THSD7B: variants seen among roughly 807,000 people sequenced by gnomAD.
The protein encoded by THSD7B is thrombospondin type 1 domain containing 7B.
A neutral mutation model predicts 213.6 loss-of-function variants in THSD7B; 138 were observed. The ratio of observed to expected loss-of-function variants is 0.65; its 90% CI spans 0.56 to 0.74. The LOEUF (loss-of-function observed/expected upper bound fraction) is 0.74. Ranked by LOEUF, THSD7B falls within the 30% of genes least tolerant of loss-of-function variation. The probability of loss-of-function intolerance (pLI) is 0.00; values close to 1 mark genes in which losing one functional copy is unlikely to be tolerated. For missense variants in THSD7B, 1,931 were observed against 1,991.5 expected, an observed-to-expected ratio of 0.97 and a Z score of 0.58; for synonymous variants, 742 against 687.0, an observed-to-expected ratio of 1.08 and a Z score of -1.25.
At chr2:137,415,689 T>TC (rs1686782643) in intron 14 of THSD7B, among the ~76,000 whole-genome samples, 1 of 79,452 alleles carries the variant, frequency 1.3e-5, no homozygotes, top group Non-Finnish European at 2.6e-5. Flanking sequence ...TTTTTTTTTT[T>TC]CAAAGAACAG....
At chr2:137,347,719 T>C (rs1684908728) in intron 12 of THSD7B, among the ~76,000 whole-genome samples, 1 of 151,516 alleles carries the variant, frequency 6.6e-6, no homozygotes, top group Non-Finnish European at 1.5e-5. Flanking sequence ...GAACTTGGAC[T>C]CTATGATTGA....
At chr2:136,832,036 G>A (rs1682765932) in intron 1 of THSD7B, among the ~76,000 whole-genome samples, 1 of 152,140 alleles carries the variant, frequency 6.6e-6, no homozygotes, top group Admixed American at 6.5e-5. Context: ...AAAGGCTGTT[G>A]AGGCTGGAAC....
chr2:136,845,738 AG>A (rs1158653626), intron 1 of THSD7B, among the ~76,000 whole-genome samples: 1 of 152,222 alleles, frequency 6.6e-6, no homozygotes, highest in African/African-American at 2.4e-5. Flanking sequence ...TAGTATACTA[AG>A]GCAAGATGTG....
chr2:136,854,218 A>T (rs1356285168), intron 1 of THSD7B, among the ~76,000 whole-genome samples: 1 of 152,100 alleles, frequency 6.6e-6, no homozygotes, highest in Non-Finnish European at 1.5e-5. Flanking sequence ...ACTTACACAC[A>T]CACACTCTCA....
chr2:137,090,237 T>C (rs1011015679), intron 3 of THSD7B, among the ~76,000 whole-genome samples: 1 of 151,962 alleles, frequency 6.6e-6, no homozygotes, highest in Admixed American at 6.6e-5. Context: ...AATTTAAGGA[T>C]AGTAGCTATG....
chr2:137,316,220 C>A (rs576602799), intron 12 of THSD7B, among the ~76,000 whole-genome samples: 1 of 152,318 alleles, frequency 6.6e-6, no homozygotes, highest in East Asian at 1.9e-4. Context: ...AATACCACAA[C>A]CGATACCTTC....
intron 2 of THSD7B, among the ~76,000 whole-genome samples, chr2:136,895,514 C>CT (rs71301798): frequency 0.16 from 11,643 of 73,818 alleles, 2,923 homozygotes; most frequent in East Asian, 0.64. Flanking sequence ...CAAGTGGAGA[C>CT]TTTTTTTTTT....
intron 20 of THSD7B, among the ~76,000 whole-genome samples, chr2:137,635,964 A>G (rs1241182707): frequency 6.6e-6 from 1 of 152,076 alleles, no homozygotes; most frequent in East Asian, 1.9e-4. Flanking sequence ...TGCATCCCAA[A>G]CTGCTGGGAT....
intron 21 of THSD7B, among the ~76,000 whole-genome samples, chr2:137,650,544 T>C (rs1172185047): frequency 1.3e-5 from 2 of 152,310 alleles, no homozygotes; most frequent in East Asian, 3.9e-4. Context: ...TAATTTGACG[T>C]CTTCCTTTCC....
chr2:137,437,818 A>G (rs1288133503), intron 14 of THSD7B, among the ~76,000 whole-genome samples: 1 of 152,176 alleles, frequency 6.6e-6, no homozygotes, highest in Non-Finnish European at 1.5e-5. Context: ...TGATTTCTGT[A>G]TACCAAATGT....
intron 12 of THSD7B, among the ~76,000 whole-genome samples, chr2:137,280,563 C>T (rs1682982537): frequency 6.6e-6 from 1 of 151,988 alleles, no homozygotes. Context: ...TAGAACAGCA[C>T]ATAGAGTTAT....
chr2:137,616,985 A>G (rs1682399042), intron 18 of THSD7B, among the ~76,000 whole-genome samples: 1 of 152,194 alleles, frequency 6.6e-6, no homozygotes, highest in Non-Finnish European at 1.5e-5. Flanking sequence ...ACTGACAACC[A>G]AACCACCACA....
At chr2:137,276,811 T>C (rs1370830143) in intron 12 of THSD7B, among the ~76,000 whole-genome samples, 1 of 152,112 alleles carries the variant, frequency 6.6e-6, no homozygotes, top group Non-Finnish European at 1.5e-5. Context: ...AATGTTCTTT[T>C]AGAAGGCATA....
chr2:137,482,038 C>T (rs930015143), intron 15 of THSD7B, among the ~76,000 whole-genome samples: 3 of 151,962 alleles, frequency 2.0e-5, no homozygotes, highest in African/African-American at 7.3e-5. Flanking sequence ...ATTAGCTGGG[C>T]GTGGTGGCAG....
At position 137,288,330 on chromosome 2, in the gene THSD7B, C is replaced by G. The variant is rs548355607; in HGVS notation, c.2500+12304C>G. The stretch of plus-strand genomic sequence containing the variant: ...ACATGGTGAGAAAAACAATAAAAAA[C>G]AAATCACTCTTTTAGCTGAGGTGTA... On this transcript the variant is annotated intron_variant, in intron 12 of 27. Transcript: ENST00000409968. Among the ~76,000 whole-genome samples the G allele has an allele frequency of 4.6e-5, 7 of 152,142 alleles. No individual in the cohort carries two copies. In the East Asian group the frequency reaches 1.4e-3, roughly 29 times the overall value.
intron 12 of THSD7B, among the ~76,000 whole-genome samples, chr2:137,371,404 A>G (rs797017114): frequency 7.9e-5 from 12 of 152,278 alleles, no homozygotes; most frequent in African/African-American, 2.9e-4. Flanking sequence ...TCTTGCAGAT[A>G]TTTTCCTTCT....
At chr2:136,924,526 C>T (rs959248818) in intron 2 of THSD7B, among the ~76,000 whole-genome samples, 5 of 152,054 alleles carry the variant, frequency 3.3e-5, no homozygotes, top group African/African-American at 1.2e-4. Context: ...CTCTGTTCCA[C>T]TGGGGGATAT....
intron 10 of THSD7B, among the ~76,000 whole-genome samples, chr2:137,265,293 T>C (rs1220473961): frequency 6.6e-6 from 1 of 152,014 alleles, no homozygotes; most frequent in Non-Finnish European, 1.5e-5. Flanking sequence ...AGAATGGCAA[T>C]CATTAAAAAG....
At chr2:137,611,153 A>G in intron 17 of THSD7B, among the ~76,000 whole-genome samples, 1 of 152,072 alleles carries the variant, frequency 6.6e-6, no homozygotes, top group East Asian at 1.9e-4. Flanking sequence ...ATAAGAATTT[A>G]TCATTACATT....
Sources: gnomAD v4.1 joint callset for allele counts (sites outside exome capture counted in the v4.1 genomes callset) on GRCh38, gnomAD v4.1.1 for gene constraint, MANE v1.5 for transcripts, NCBI Gene and HGNC (gene_info 2026-07-23, HGNC 2026-07-21) for gene names.